Variants in OGFOD1 observed in about 807,000 individuals in gnomAD.
OGFOD1 encodes the protein prolyl 3-hydroxylase OGFOD1.
Under a neutral mutation model 67.7 loss-of-function variants are expected in OGFOD1, and 54 were observed. The observed-to-expected ratio is 0.80, with a 90% CI of 0.64 to 1.00. OGFOD1 has a LOEUF of 1.00. Ranked by LOEUF, OGFOD1 falls within the 50% of genes least tolerant of loss-of-function variation. The pLI is 0.00. For synonymous variants in OGFOD1, 221 were observed against 227.0 expected (o/e 0.97, Z 0.24); for missense variants, 606 against 646.7 (o/e 0.94, Z 0.68).
intron 1 of OGFOD1, 144 bp downstream of exon 1, chr16:56,451,910 C>A: frequency 1.2e-6 from 1 of 854,732 alleles, no homozygotes; most frequent in Non-Finnish European, 1.7e-6. Context: ...TACTCTCCTG[C>A]CTCGGCTGCT....
chr16:56,451,587 G>C lies in OGFOD1; in HGVS notation c.-26G>C. 1 of 1,612,284 alleles carries C rather than the reference G, an allele frequency of 6.2e-7. No homozygotes were observed. Among genetic ancestry groups the C allele is most frequent in the Non-Finnish European group, 8.5e-7 (1 of 1,179,702 alleles). On this transcript the variant is annotated 5_prime_UTR_variant, in exon 1 of 13. Transcript: ENST00000566157. ...AGGAAGGTAGCGTCTTGATCTGCGTGGCGTGGTTCTGTGCCTTGGGAAGAG... is the reference window on the plus strand; with the variant it reads ...AGGAAGGTAGCGTCTTGATCTGCGTCGCGTGGTTCTGTGCCTTGGGAAGAG...
At chr16:56,461,207 C>G (rs556799665) in intron 3 of OGFOD1, among the ~76,000 whole-genome samples, 3 of 152,316 alleles carry the variant, frequency 2.0e-5, no homozygotes, top group Admixed American at 2.0e-4. Flanking sequence ...TCTCTGACCT[C>G]CTGCAAGGGA....
chr16:56,473,491 C>A (rs1963299759), intron 10 of OGFOD1, among the ~76,000 whole-genome samples: 1 of 152,196 alleles, frequency 6.6e-6, no homozygotes. Context: ...ACATCAAAGA[C>A]TGCTCAAAAT....
rs776416142 is a variant in OGFOD1 at position 56,462,559 on chromosome 16, T to G, written c.373T>G (p.Ser125Ala). 3.1e-6 allele frequency: 5 copies of G among 1,612,486 alleles called. No homozygotes were observed. The East Asian group carries it at 6.7e-5, about 22-fold the overall frequency. Residue 125 changes from serine to alanine, a missense_variant, in exon 4 of 13, where the codon TCC (serine) becomes GCC (alanine). Transcript: ENST00000566157. ...LRKILFEDFR[S>A]WLSDISKIDL... ...GAAAATTCTGTTTGAAGATTTCCGG[T>G]CCTGGCTTTCTGATATTTCTAAAAT... is the stretch of plus-strand genomic sequence containing the variant.
Position 56,477,118 on chromosome 16 carries a change from A to T in OGFOD1, c.*913A>T, listed in dbSNP as rs1476982677. On this transcript the variant is annotated 3_prime_UTR_variant, in exon 13 of 13. Transcript: ENST00000566157. ...CACTCCAGCCTGGGCAACAAGAGTGAAACTCTGTCTCAAAAAAAAAAAAGA... is the reference window on the plus strand; with the variant it reads ...CACTCCAGCCTGGGCAACAAGAGTGTAACTCTGTCTCAAAAAAAAAAAAGA... The T allele has an allele frequency of 6.6e-6, 1 of 152,146 alleles. No homozygotes were observed. Among genetic ancestry groups the T allele is most frequent in the Non-Finnish European group, 1.5e-5 (1 of 68,050 alleles). 9.4% of individuals were successfully genotyped at this position (152,146 alleles called of 1,614,324 possible). A position where few individuals can be genotyped will look rare whatever the true frequency, so the allele number is the denominator to read the frequency against.
Position 56,462,649 on chromosome 16 carries a change from G to A in OGFOD1, c.448+15G>A, listed in dbSNP as rs1962751197. On this transcript the variant is annotated intron_variant, in intron 4 of 12. Coordinates refer to ENST00000566157, the MANE Select transcript of OGFOD1 (RefSeq NM_018233.4). ...TGAATTCACTGGTAAGGAAGATAAA[G>A]GCCTGGTGTCTGTAAGATATAAAGG... is the stretch of plus-strand genomic sequence containing the variant. 2 of 1,459,346 alleles carry A rather than the reference G, an allele frequency of 1.4e-6. No individual in the cohort carries two copies. The highest frequency in any genetic ancestry group is 1.9e-6 in the Non-Finnish European group (2 of 1,040,030). The allele number at this position is 1,459,346 out of a possible 1,614,324, so 90.4% of individuals were successfully genotyped here. A position where few individuals can be genotyped will look rare whatever the true frequency, so the allele number is the denominator to read the frequency against.
At chr16:56,468,375 T>C (rs1962992316) in intron 8 of OGFOD1, among the ~76,000 whole-genome samples, 1 of 152,208 alleles carries the variant, frequency 6.6e-6, no homozygotes, top group South Asian at 2.1e-4. Context: ...CAATATCTGT[T>C]GTTGAACATT....
rs1022742576 is a variant in OGFOD1, at chr16:56,478,680, A to C, written c.*2475A>C. On this transcript the variant is annotated 3_prime_UTR_variant, in exon 13 of 13. Transcript: ENST00000566157. ...CCAATTTTCCAATTCTGGAAAGCCA[A>C]ATCTGAATCTTAGAATACCTCACAA... 2.6e-5 allele frequency: 4 copies of C among 152,206 alleles called. No individual in the cohort carries two copies. The highest frequency in any genetic ancestry group is 4.4e-5 in the Non-Finnish European group (3 of 68,040). 9.4% of individuals were successfully genotyped at this position (152,206 alleles called of 1,614,324 possible). A position where few individuals can be genotyped will look rare whatever the true frequency, so the allele number is the denominator to read the frequency against.
chr16:56,466,823 G>T, intron 5 of OGFOD1, 53 bp from the exon 6 acceptor site: 1 of 1,335,812 alleles, frequency 7.5e-7, no homozygotes, highest in Non-Finnish European at 1.1e-6. Context: ...GTAAAATGAG[G>T]CAGGCTGGAA....
At chr16:56,458,673 G>T (rs1962610195) in intron 3 of OGFOD1, 79 bp downstream of exon 3, 4 of 1,161,402 alleles carry the variant, frequency 3.4e-6, no homozygotes, top group Non-Finnish European at 1.3e-6. Context: ...ACAACATTGT[G>T]TATGTCATAT....
intron 10 of OGFOD1, among the ~76,000 whole-genome samples, chr16:56,473,625 A>G (rs1963306330): frequency 1.3e-5 from 2 of 151,918 alleles, no homozygotes; most frequent in Non-Finnish European, 2.9e-5. Flanking sequence ...CAACTTGCTT[A>G]TTCTTTAGGT....
intron 9 of OGFOD1, 36 bp from the exon 10 acceptor site, chr16:56,470,451 G>GAA: frequency 1.3e-6 from 2 of 1,549,128 alleles, no homozygotes; most frequent in Non-Finnish European, 1.7e-6. Flanking sequence ...TTACATCTGT[G>GAA]GCTTTGATGA....
At chr16:56,464,268 T>G (rs1363373199) in intron 4 of OGFOD1, among the ~76,000 whole-genome samples, 3 of 152,222 alleles carry the variant, frequency 2.0e-5, no homozygotes, top group Non-Finnish European at 4.4e-5. Flanking sequence ...ATGGTTTCAG[T>G]GTGTCACATT....
intron 4 of OGFOD1, among the ~76,000 whole-genome samples, chr16:56,462,931 T>C (rs1487875716): frequency 1.3e-5 from 2 of 152,194 alleles, no homozygotes; most frequent in African/African-American, 4.8e-5. Flanking sequence ...ATATATAAAC[T>C]CTATTCTTAG....
chr16:56,476,179 G>A lies in OGFOD1; in HGVS notation c.1603G>A (p.Asp535Asn). 1.9e-6 allele frequency: 3 copies of A among 1,612,210 alleles called. No homozygotes were observed. The highest frequency in any genetic ancestry group is 2.5e-6 in the Non-Finnish European group (3 of 1,179,836). Reference sequence around the variant, plus strand: ...CTTCCCAAACAGAACAGGTTTCTGGGACTTTTCATTCATCTATTATGAATG... The same window carrying A: ...CTTCCCAAACAGAACAGGTTTCTGGAACTTTTCATTCATCTATTATGAATG... ...KTFPNRTGFW[D>N]FSFIYYE Residue 535 changes from aspartate to asparagine, a missense_variant, in exon 13 of 13, where the codon GAC becomes AAC. Coordinates refer to ENST00000566157, the MANE Select transcript of OGFOD1 (RefSeq NM_018233.4).
intron 2 of OGFOD1, 184 bp from the exon 3 acceptor site, chr16:56,458,364 G>C: frequency 1.6e-6 from 1 of 625,420 alleles, no homozygotes; most frequent in Non-Finnish European, 2.9e-6. Flanking sequence ...AGCACAGAGG[G>C]TAATAACTTG....
At chr16:56,468,186 T>C (rs1330724753) in intron 8 of OGFOD1, among the ~76,000 whole-genome samples, 168 bp downstream of exon 8, 1 of 152,204 alleles carries the variant, frequency 6.6e-6, no homozygotes, top group Non-Finnish European at 1.5e-5. Flanking sequence ...CTAACATTAG[T>C]ATCAGCAGTA....
In OGFOD1 at chr16:56,467,983, G is replaced by C. The variant is rs1279622581; in HGVS notation, c.865G>C (p.Glu289Gln). Residue 289 changes from glutamate (E) to glutamine (Q), a missense_variant, in exon 8 of 13, where the codon GAA becomes CAA. By Grantham distance (29) the Glu-to-Gln change is conservative. Coordinates refer to ENST00000566157, the MANE Select transcript of OGFOD1 (RefSeq NM_018233.4). The stretch of plus-strand genomic sequence containing the variant: ...AGTTCAAATTCAAGAAGAGTTTGAA[G>C]AAAGTTCTGAAATTCTCCTGAAGGA... ...YQVQIQEEFE[E>Q]SSEILLKEFL... 2 of 1,595,974 alleles carry C rather than the reference G, an allele frequency of 1.3e-6. No individual in the cohort carries two copies. Among genetic ancestry groups the C allele is most frequent in the Non-Finnish European group, 1.7e-6 (2 of 1,163,484 alleles).
At chr16:56,459,880 AT>A (rs200240809) in intron 3 of OGFOD1, among the ~76,000 whole-genome samples, 16 of 151,838 alleles carry the variant, frequency 1.1e-4, no homozygotes, top group East Asian at 3.9e-4. Flanking sequence ...AGGAATACAG[AT>A]TTTTTTTTAA....
Sources: gnomAD v4.1 joint callset for allele counts (sites outside exome capture counted in the v4.1 genomes callset) on GRCh38, gnomAD v4.1.1 for gene constraint, MANE v1.5 for transcripts, NCBI Gene and HGNC (gene_info 2026-07-23, HGNC 2026-07-21) for gene names.